Variants in KHDRBS2 observed in about 807,000 individuals in gnomAD.
The protein encoded by KHDRBS2 is KH domain-containing, RNA-binding, signal transduction-associated protein 2.
A neutral mutation model predicts 44.3 loss-of-function variants in KHDRBS2; 26 were observed. The ratio of observed to expected loss-of-function variants is 0.59; its 90% CI spans 0.43 to 0.81. The LOEUF (loss-of-function observed/expected upper bound fraction) is 0.81, where lower values mean the gene tolerates loss of function less well. KHDRBS2 is among the 40% of genes least tolerant of loss of function. The pLI is 0.00. For synonymous variants in KHDRBS2, 194 were observed against 151.1 expected (o/e 1.28, Z -2.08); for missense variants, 476 against 433.1 (o/e 1.10, Z -0.88).
chr6:61,607,591 A>C, the KHDRBS2 span, among the ~76,000 whole-genome samples: 10 of 149,360 alleles, frequency 6.7e-5, no homozygotes, highest in Non-Finnish European at 1.2e-4. Context: ...GATTAAAAAA[A>C]TCTAGACAAA....
chr6:62,060,407 T>C (rs550236176), intron 2 of KHDRBS2, among the ~76,000 whole-genome samples: 69 of 151,764 alleles, frequency 4.5e-4, no homozygotes, highest in African/African-American at 1.2e-3. Context: ...CAAAGACCTA[T>C]AGAAATCTGG....
rs574663130 is a variant in KHDRBS2, at chr6:61,794,959, T to G, written c.811-62195A>C. On this transcript the variant is annotated intron_variant, in intron 6 of 8. Transcript: ENST00000281156. ...TTTGAGACCAACCTGGCCAACATGG[T>G]GAAACCCTGTCTCTACTAAAAATAC... Among the ~76,000 whole-genome samples the G allele has an allele frequency of 2.0e-5, 3 of 151,722 alleles. No homozygotes were observed. The South Asian group carries it at 6.2e-4, about 32-fold the overall frequency.
intron 4 of KHDRBS2, among the ~76,000 whole-genome samples, chr6:61,977,184 T>A (rs1772848080): frequency 6.6e-6 from 1 of 152,176 alleles, no homozygotes. Flanking sequence ...TATTTAGAAA[T>A]CTGCAGTTTC....
intron 6 of KHDRBS2, among the ~76,000 whole-genome samples, chr6:61,761,249 C>A (rs1417782438): frequency 6.6e-6 from 1 of 152,104 alleles, no homozygotes. Flanking sequence ...TACAGTCTGG[C>A]CTCTTTTGGA....
rs113557662 is a variant in KHDRBS2 at position 62,029,319 on chromosome 6, G to C, written c.336+18559C>G. 2.0e-3 allele frequency among the ~76,000 whole-genome samples: 296 copies of C among 151,706 alleles called. 2 individuals are homozygous for C. The highest frequency in any genetic ancestry group is 6.7e-3 in the African/African-American group (278 of 41,458). ...ATGTACTGCTTGACATTTGGATGGGGACTTTTTTTTTAACATGAATTATGT... is the reference window on the plus strand; with the variant it reads ...ATGTACTGCTTGACATTTGGATGGGCACTTTTTTTTTAACATGAATTATGT... On this transcript the variant is annotated intron_variant, in intron 3 of 8. Transcript: ENST00000281156.
chr6:61,696,796 ATT>A (rs1767958062), intron 8 of KHDRBS2, among the ~76,000 whole-genome samples: 1 of 152,138 alleles, frequency 6.6e-6, no homozygotes, highest in South Asian at 2.1e-4. Flanking sequence ...CTTGAGAGTT[ATT>A]TTATAGTAAC....
intron 3 of KHDRBS2, among the ~76,000 whole-genome samples, chr6:62,039,255 AACACACACACACACAC>A (rs142933011): frequency 6.9e-6 from 1 of 145,880 alleles, no homozygotes; most frequent in African/African-American, 2.5e-5. Context: ...TACACAGGCA[AACACACACACACACAC>A]ACACACACAC....
intron 2 of KHDRBS2, among the ~76,000 whole-genome samples, chr6:62,136,993 C>CT (rs141092447): frequency 0.041 from 3,232 of 78,258 alleles, 190 homozygotes; most frequent in Admixed American, 0.093. Flanking sequence ...TCTTTCTTTT[C>CT]TTTTTTTTTT....
the KHDRBS2 span, among the ~76,000 whole-genome samples, chr6:61,614,174 T>A: frequency 6.6e-6 from 1 of 152,132 alleles, no homozygotes; most frequent in Admixed American, 6.5e-5. Context: ...AAAGTCAGGA[T>A]TTGAAGCTAG....
chr6:62,115,404 A>T (rs1301883205), intron 2 of KHDRBS2, among the ~76,000 whole-genome samples: 1 of 152,186 alleles, frequency 6.6e-6, no homozygotes, highest in African/African-American at 2.4e-5. Context: ...ACAGAAAAAA[A>T]TATTTATTGA....
intron 7 of KHDRBS2, among the ~76,000 whole-genome samples, chr6:61,715,140 G>A (rs1367915351): frequency 6.6e-6 from 1 of 151,774 alleles, no homozygotes; most frequent in Non-Finnish European, 1.5e-5. Flanking sequence ...AACAAGACCT[G>A]GAGGCTGTTT....
chr6:61,898,373 T>G (rs1803319264), intron 5 of KHDRBS2, among the ~76,000 whole-genome samples: 1 of 152,022 alleles, frequency 6.6e-6, no homozygotes, highest in African/African-American at 2.4e-5. Flanking sequence ...TGTAAATGTC[T>G]TTACATGTAA....
chr6:61,560,097 TTTTCCTTC>T, the KHDRBS2 span, among the ~76,000 whole-genome samples: 2 of 152,094 alleles, frequency 1.3e-5, no homozygotes, highest in Non-Finnish European at 2.9e-5. Flanking sequence ...AGGGTAAGGT[TTTTCCTTC>T]AGCATATTAA....
intron 4 of KHDRBS2, among the ~76,000 whole-genome samples, chr6:61,930,083 G>T (rs1809730467): frequency 6.6e-6 from 1 of 151,984 alleles, no homozygotes; most frequent in African/African-American, 2.4e-5. Flanking sequence ...TGAGGGAGGG[G>T]GTTCATTGCC....
intron 3 of KHDRBS2, among the ~76,000 whole-genome samples, chr6:62,031,366 A>G (rs1784308682): frequency 6.6e-6 from 1 of 152,120 alleles, no homozygotes; most frequent in Non-Finnish European, 1.5e-5. Flanking sequence ...CACTTAAAAA[A>G]AGTGCAGTGA....
chr6:62,143,177 C>T (rs1024399459), intron 2 of KHDRBS2, among the ~76,000 whole-genome samples: 1 of 151,826 alleles, frequency 6.6e-6, no homozygotes, highest in African/African-American at 2.4e-5. Flanking sequence ...CTTGATGTTT[C>T]AGTCTTCTGA....
chr6:61,742,583 A>T (rs761011874), intron 6 of KHDRBS2, among the ~76,000 whole-genome samples: 1 of 152,064 alleles, frequency 6.6e-6, no homozygotes, highest in Non-Finnish European at 1.5e-5. Flanking sequence ...AAATATTTTA[A>T]TAGTCTCTTC....
chr6:62,188,434 T>C (rs545767561), intron 1 of KHDRBS2, among the ~76,000 whole-genome samples: 1 of 152,130 alleles, frequency 6.6e-6, no homozygotes, highest in Non-Finnish European at 1.5e-5. Context: ...TAGCATAATG[T>C]CCTCCAGGTC....
intron 7 of KHDRBS2, among the ~76,000 whole-genome samples, chr6:61,702,057 T>C (rs1582246046): frequency 6.6e-6 from 1 of 151,970 alleles, no homozygotes; most frequent in East Asian, 1.9e-4. Flanking sequence ...TATTTTTTTT[T>C]TAACAGAAAG....
Sources: gnomAD v4.1 joint callset for allele counts (sites outside exome capture counted in the v4.1 genomes callset) on GRCh38, gnomAD v4.1.1 for gene constraint, MANE v1.5 for transcripts, NCBI Gene and HGNC (gene_info 2026-07-23, HGNC 2026-07-21) for gene names.